Variants in MRPS27 observed in about 807,000 individuals in gnomAD.
The protein encoded by MRPS27 is mitochondrial ribosomal protein S27.
In MRPS27, 43 loss-of-function variants were observed where a neutral mutation model predicts 48.9. The ratio of observed to expected loss-of-function variants is 0.88; its 90% CI spans 0.69 to 1.13. The LOEUF (loss-of-function observed/expected upper bound fraction) is 1.13, where lower values mean the gene tolerates loss of function less well. Among genes scored for constraint, MRPS27 ranks in the 50% most tolerant of loss-of-function variants. The pLI is 0.00. For missense variants in MRPS27, 467 were observed against 476.3 expected, an observed-to-expected ratio of 0.98 and a Z score of 0.18; for synonymous variants, 188 against 171.9, an observed-to-expected ratio of 1.09 and a Z score of -0.73.
chr5:72,285,074 A>G (rs920231085), intron 4 of MRPS27, among the ~76,000 whole-genome samples: 1 of 152,184 alleles, frequency 6.6e-6, no homozygotes, highest in African/African-American at 2.4e-5. Context: ...TTATATATCC[A>G]CTAGCAATGT....
intron 4 of MRPS27, among the ~76,000 whole-genome samples, chr5:72,260,579 G>T (rs1172146448): frequency 1.3e-5 from 2 of 152,140 alleles, no homozygotes; most frequent in South Asian, 2.1e-4. Context: ...AAGGAAGAGG[G>T]TATCACTTGT....
intron 8 of MRPS27, 190 bp downstream of exon 8, chr5:72,228,076 G>C (rs1472450164): frequency 3.5e-6 from 2 of 576,206 alleles, no homozygotes; most frequent in Non-Finnish European, 6.1e-6. Flanking sequence ...GTGATGGCAG[G>C]TTTTAAGAAC....
At chr5:72,259,916 T>C (rs1748922386) in intron 4 of MRPS27, among the ~76,000 whole-genome samples, 1 of 152,184 alleles carries the variant, frequency 6.6e-6, no homozygotes, top group Non-Finnish European at 1.5e-5. Context: ...CATTATGTTA[T>C]TTATTTGCAT....
chr5:72,314,921 G>A (rs1031738171), intron 1 of MRPS27, among the ~76,000 whole-genome samples: 9 of 152,276 alleles, frequency 5.9e-5, no homozygotes, highest in African/African-American at 1.7e-4. Flanking sequence ...GCAAGGAGTA[G>A]TATCTTACCC....
At chr5:72,221,178 G>C (rs1202510011) in intron 10 of MRPS27, 30 bp from the exon 11 acceptor site, 1 of 1,609,210 alleles carries the variant, frequency 6.2e-7, no homozygotes, top group South Asian at 1.1e-5. Context: ...AAAATGAGAA[G>C]AAAGGTAGAG....
Position 72,234,106 on chromosome 5 carries a change from G to T in MRPS27, c.475+13C>A. 1 of 1,495,282 alleles carries T rather than the reference G, an allele frequency of 6.7e-7. No homozygotes were observed. Among genetic ancestry groups the T allele is most frequent in the South Asian group, 1.4e-5 (1 of 70,830 alleles). 92.6% of individuals were successfully genotyped at this position (1,495,282 alleles called of 1,614,324 possible). ...AAGCCCTATAAACACTGAATCTGGG[G>T]TTAGTTTCTTACCTTTGTAATTTTC... is the stretch of plus-strand genomic sequence containing the variant. On this transcript the variant is annotated intron_variant, in intron 6 of 10. Coordinates refer to ENST00000261413, the MANE Select transcript of MRPS27 (RefSeq NM_015084.3).
intron 2 of MRPS27, among the ~76,000 whole-genome samples, chr5:72,303,705 G>A (rs1750182299): frequency 1.3e-5 from 2 of 151,890 alleles, no homozygotes; most frequent in East Asian, 1.9e-4. Context: ...AATGTTGCAA[G>A]TATAAACTAT....
intron 4 of MRPS27, among the ~76,000 whole-genome samples, chr5:72,271,194 A>G (rs1561347771): frequency 1.3e-5 from 2 of 152,212 alleles, no homozygotes; most frequent in African/African-American, 4.8e-5. Context: ...GAGTAAATGT[A>G]TTTCTCGTCA....
At chr5:72,265,983 G>A (rs1001149673) in intron 4 of MRPS27, among the ~76,000 whole-genome samples, 1 of 152,072 alleles carries the variant, frequency 6.6e-6, no homozygotes, top group Non-Finnish European at 1.5e-5. Flanking sequence ...CTCCTATGAA[G>A]GTGGTGTATT....
intron 4 of MRPS27, among the ~76,000 whole-genome samples, chr5:72,243,910 G>A (rs369669348): frequency 1.3e-5 from 2 of 152,220 alleles, no homozygotes; most frequent in African/African-American, 4.8e-5. Context: ...ATCAAGATAA[G>A]CCCCCTTTGT....
chr5:72,309,741 G>A lies in MRPS27; in HGVS notation c.151+4340C>T, dbSNP rs536592962. On this transcript the variant is annotated intron_variant, in intron 2 of 10. Coordinates refer to ENST00000261413, the MANE Select transcript of MRPS27 (RefSeq NM_015084.3). The stretch of plus-strand genomic sequence containing the variant: ...GTGTTAATAAGCTTTCCTGGAATTC[G>A]TCATTCCCTTATCTGTACTTCACTG... Among the ~76,000 whole-genome samples, 14 of 152,184 alleles carry A rather than the reference G, an allele frequency of 9.2e-5. No homozygotes were observed. In the East Asian group the frequency reaches 2.7e-3, roughly 29 times the overall value.
chr5:72,289,402 G>T (rs919535109), intron 4 of MRPS27, among the ~76,000 whole-genome samples: 1 of 151,914 alleles, frequency 6.6e-6, no homozygotes, highest in African/African-American at 2.4e-5. Flanking sequence ...AAACTAAAAG[G>T]CTGCTTTAAA....
chr5:72,269,079 T>C (rs939059380), intron 4 of MRPS27, among the ~76,000 whole-genome samples: 1 of 152,224 alleles, frequency 6.6e-6, no homozygotes, highest in African/African-American at 2.4e-5. Context: ...GATTACATTA[T>C]TTGCAGGGTG....
rs752098482 is a variant in MRPS27, at chr5:72,226,081, T to G, written c.813A>C (p.Glu271Asp). 1 of 1,613,680 alleles carries G rather than the reference T, an allele frequency of 6.2e-7. No homozygotes were observed. Among genetic ancestry groups the G allele is most frequent in the African/African-American group, 1.3e-5 (1 of 74,904 alleles). Residue 271 changes from glutamate (E) to aspartate (D), a missense_variant, in exon 9 of 11, where the codon GAA becomes GAC. By Grantham distance (45) the Glu-to-Asp change is conservative (BLOSUM62 2). Coordinates refer to ENST00000261413, the MANE Select transcript of MRPS27 (RefSeq NM_015084.3). Reference protein sequence around the residue: ...QVMEKVAASPEDIKLCREALD... With the variant: ...QVMEKVAASPDDIKLCREALD... ...CCGCTTCTCTACACAGCTTTATGTC[T>G]TCTGGGGAGGCAGCCACTTTCTCCA...
intron 3 of MRPS27, among the ~76,000 whole-genome samples, chr5:72,296,147 T>C (rs1749973766): frequency 6.6e-6 from 1 of 152,156 alleles, no homozygotes; most frequent in African/African-American, 2.4e-5. Flanking sequence ...TCTCTGAGTA[T>C]GCTCATTAAC....
intron 4 of MRPS27, among the ~76,000 whole-genome samples, chr5:72,259,260 G>T (rs1748897045): frequency 6.6e-6 from 1 of 152,088 alleles, no homozygotes; most frequent in Non-Finnish European, 1.5e-5. Context: ...CCTGAGGTTG[G>T]GAGTTTGAGA....
chr5:72,299,543 C>G (rs1750076221), intron 2 of MRPS27, among the ~76,000 whole-genome samples: 1 of 152,172 alleles, frequency 6.6e-6, no homozygotes, highest in Non-Finnish European at 1.5e-5. Flanking sequence ...ATTAGCTATT[C>G]AAAACATTTA....
chr5:72,317,430 A>T (rs905603648), intron 1 of MRPS27, among the ~76,000 whole-genome samples: 2 of 152,192 alleles, frequency 1.3e-5, no homozygotes, highest in Non-Finnish European at 2.9e-5. Context: ...GCTGGAGTGC[A>T]ATGGCATGAT....
At position 72,243,998 on chromosome 5, in the gene MRPS27, T is replaced by C. The variant is rs140464823; in HGVS notation, c.282-5870A>G. On this transcript the variant is annotated intron_variant, in intron 4 of 10. Transcript: ENST00000261413. ...ACCTCCTTGGGTCCCTTTCCAGATCTAGAGTTATTAATTTTGTAAGAGGAA... is the reference window on the plus strand; with the variant it reads ...ACCTCCTTGGGTCCCTTTCCAGATCCAGAGTTATTAATTTTGTAAGAGGAA... 6.6e-5 allele frequency among the ~76,000 whole-genome samples: 10 copies of C among 152,252 alleles called. No homozygotes were observed. The East Asian group carries it at 1.7e-3, about 26-fold the overall frequency.
Sources: gnomAD v4.1 joint callset for allele counts (sites outside exome capture counted in the v4.1 genomes callset) on GRCh38, gnomAD v4.1.1 for gene constraint, MANE v1.5 for transcripts, NCBI Gene and HGNC (gene_info 2026-07-23, HGNC 2026-07-21) for gene names.